The following PACRG variants were observed in gnomAD, a reference collection of about 807,000 sequenced individuals.
PACRG encodes the protein parkin coregulated gene protein.
In PACRG, 29 loss-of-function variants were observed where a neutral mutation model predicts 29.7. The observed-to-expected ratio is 0.98, with a 90% CI of 0.73 to 1.33. The LOEUF (loss-of-function observed/expected upper bound fraction) is 1.33. PACRG is among the 40% of genes most tolerant of loss of function. The pLI, the probability that PACRG is intolerant of heterozygous loss-of-function variation, is 0.00. For missense variants in PACRG, 279 were observed against 316.2 expected (o/e 0.88, Z 0.89); for synonymous variants, 116 against 118.7 (o/e 0.98, Z 0.15).
intron 2 of PACRG, among the ~76,000 whole-genome samples, chr6:162,908,561 T>G (rs1453908088): frequency 3.3e-5 from 5 of 152,172 alleles, no homozygotes; most frequent in Admixed American, 3.3e-4. Context: ...TTCTACAACC[T>G]CAGTAGAGAC....
At chr6:163,281,864 C>A (rs1784236496) in intron 4 of PACRG, among the ~76,000 whole-genome samples, 1 of 152,056 alleles carries the variant, frequency 6.6e-6, no homozygotes, top group Admixed American at 6.6e-5. Context: ...TTAACTTTAA[C>A]CGATATCTTG....
At position 163,121,182 on chromosome 6, in the gene PACRG, CA is replaced by C. The variant is rs543009793; in HGVS notation, c.613+31780del. ...CCTCATCAAACCTCAATTTATTCAT[CA>C]AAAAATAGAAGTGATCATTATTTTG... is the stretch of plus-strand genomic sequence containing the variant. On this transcript the variant is annotated intron_variant, in intron 4 of 4. Coordinates refer to ENST00000366888, the MANE Select transcript of PACRG (RefSeq NM_001080379.2). 7.9e-4 allele frequency among the ~76,000 whole-genome samples: 120 copies of C among 152,134 alleles called. 1 individual carries two copies. Among genetic ancestry groups the C allele is most frequent in the African/African-American group, 2.8e-3 (118 of 41,520 alleles).
At chr6:162,986,701 T>A (rs1802922263) in intron 2 of PACRG, among the ~76,000 whole-genome samples, 2 of 152,072 alleles carry the variant, frequency 1.3e-5, no homozygotes, top group African/African-American at 4.8e-5. Flanking sequence ...AAAAATATGA[T>A]AATTAGATAG....
At chr6:163,041,540 C>A (rs988768504) in intron 2 of PACRG, among the ~76,000 whole-genome samples, 4 of 152,074 alleles carry the variant, frequency 2.6e-5, no homozygotes, top group African/African-American at 9.7e-5. Context: ...TTCCCCTTAG[C>A]CTTCTGCCAT....
rs561240944 is a variant in PACRG, at chr6:163,128,720, GTACATATTATGCA to G, written c.613+39315_613+39327del. ...CAGACTGTCATTTAGCCAAAACTGT[GTACATATTATGCA>G]TAGAACAACTCACCCAAAATTGATA... is the stretch of plus-strand genomic sequence containing the variant. On this transcript the variant is annotated intron_variant, in intron 4 of 4. Coordinates refer to ENST00000366888, the MANE Select transcript of PACRG (RefSeq NM_001080379.2). 2.0e-3 allele frequency among the ~76,000 whole-genome samples: 301 copies of G among 152,280 alleles called. 1 individual carries two copies. Among genetic ancestry groups the G allele is most frequent in the African/African-American group, 6.8e-3 (284 of 41,552 alleles).
chr6:162,775,847 T>G lies in PACRG; in HGVS notation c.157-38300T>G, dbSNP rs538336051. On this transcript the variant is annotated intron_variant, in intron 1 of 4. Transcript: ENST00000366888. ...TTAGAAATCACCTTGTCCACCCATTTTCATTTTAAACGATGAGGAAACAGG... is the reference window on the plus strand; with the variant it reads ...TTAGAAATCACCTTGTCCACCCATTGTCATTTTAAACGATGAGGAAACAGG... Among the ~76,000 whole-genome samples the G allele has an allele frequency of 2.0e-5, 3 of 152,332 alleles. No homozygotes were observed. The East Asian group carries it at 5.8e-4, about 29-fold the overall frequency.
chr6:163,303,191 G>A (rs78548682), intron 4 of PACRG, among the ~76,000 whole-genome samples: 100 of 152,248 alleles, frequency 6.6e-4, no homozygotes, highest in African/African-American at 2.3e-3. Context: ...TTAACCAGGC[G>A]TGGTAGTGCG....
At chr6:163,226,415 C>T (rs996972423) in intron 4 of PACRG, among the ~76,000 whole-genome samples, 3 of 152,234 alleles carry the variant, frequency 2.0e-5, no homozygotes, top group Non-Finnish European at 4.4e-5. Context: ...TTGATGTAAT[C>T]ATCCCACAGG....
At chr6:163,241,489 C>G (rs888681318) in intron 4 of PACRG, among the ~76,000 whole-genome samples, 5 of 152,192 alleles carry the variant, frequency 3.3e-5, no homozygotes, top group African/African-American at 1.2e-4. Flanking sequence ...GGCCCAGGCT[C>G]CAGGAGCCCT....
rs78890342 is a variant in PACRG at position 163,117,719 on chromosome 6, C to T, written c.613+28311C>T. ...TGAGCCGAGATTGCACCACTGCACT[C>T]CAGACTGGGTGACAAGAACGAGACT... On this transcript the variant is annotated intron_variant, in intron 4 of 4. Coordinates refer to ENST00000366888, the MANE Select transcript of PACRG (RefSeq NM_001080379.2). Among the ~76,000 whole-genome samples the T allele has an allele frequency of 1.9e-3, 287 of 150,112 alleles. 1 individual carries two copies. The highest frequency in any genetic ancestry group is 6.8e-3 in the African/African-American group (276 of 40,470).
chr6:162,753,291 G>C (rs1242279229), intron 1 of PACRG, among the ~76,000 whole-genome samples: 3 of 146,882 alleles, frequency 2.0e-5, no homozygotes. Flanking sequence ...TAGTAGCCAT[G>C]ATACTTCCTA....
intron 2 of PACRG, among the ~76,000 whole-genome samples, chr6:162,965,486 A>G (rs1444980338): frequency 1.3e-5 from 2 of 152,200 alleles, no homozygotes; most frequent in Admixed American, 6.5e-5. Flanking sequence ...GTCTTCACAT[A>G]GTAGAAATGG....
chr6:163,066,357 T>C (rs6935647), intron 3 of PACRG, among the ~76,000 whole-genome samples: 1,580 of 152,308 alleles, frequency 0.01, 24 homozygotes, highest in African/African-American at 0.035. Context: ...GCAGTATCCC[T>C]CTGTCCTTCA....
At chr6:163,058,209 G>GC (rs1810758842) in intron 2 of PACRG, among the ~76,000 whole-genome samples, 1 of 152,124 alleles carries the variant, frequency 6.6e-6, no homozygotes, top group African/African-American at 2.4e-5. Context: ...CAGAGTGGCA[G>GC]CCTTCTAAGC....
intron 1 of PACRG, among the ~76,000 whole-genome samples, chr6:162,790,596 C>A (rs2128325624): frequency 6.6e-6 from 1 of 152,240 alleles, no homozygotes; most frequent in East Asian, 1.9e-4. Context: ...ATTTCTAGGT[C>A]ATTAATCACC....
At chr6:163,122,620 G>C (rs1562928384) in intron 4 of PACRG, among the ~76,000 whole-genome samples, 1 of 152,124 alleles carries the variant, frequency 6.6e-6, no homozygotes, top group Non-Finnish European at 1.5e-5. Flanking sequence ...ACTGTGACCA[G>C]ATGCAGCCCC....
At chr6:162,791,311 G>GTTTTTTT (rs60664405) in intron 1 of PACRG, among the ~76,000 whole-genome samples, 7 of 128,822 alleles carry the variant, frequency 5.4e-5, no homozygotes, top group East Asian at 4.6e-4. Context: ...TTGTTTGTTT[G>GTTTTTTT]TTTTTTTTTT....
chr6:162,950,348 G>GA (rs200078156), intron 2 of PACRG, among the ~76,000 whole-genome samples: 18 of 149,258 alleles, frequency 1.2e-4, no homozygotes, highest in African/African-American at 2.9e-4. Context: ...ATACAAAAAA[G>GA]AAAAAAAAAA....
intron 1 of PACRG, among the ~76,000 whole-genome samples, chr6:162,789,384 G>A (rs934351298): frequency 6.6e-6 from 1 of 152,072 alleles, no homozygotes; most frequent in African/African-American, 2.4e-5. Context: ...CTTTTATTTA[G>A]TTTTTGTAGC....
Sources: gnomAD v4.1 joint callset for allele counts (sites outside exome capture counted in the v4.1 genomes callset) on GRCh38, gnomAD v4.1.1 for gene constraint, MANE v1.5 for transcripts, NCBI Gene and HGNC (gene_info 2026-07-23, HGNC 2026-07-21) for gene names.